The following ANKRD29 variants were observed in gnomAD, a reference collection of about 807,000 sequenced individuals.
The protein encoded by ANKRD29 is ankyrin repeat domain 29, also known as ankyrin repeat domain-containing protein 29.
ANKRD29 carries 32 observed loss-of-function variants against 38.0 expected under a neutral mutation model. That is an observed-to-expected ratio of 0.84 (90% CI 0.64 to 1.13). The LOEUF (loss-of-function observed/expected upper bound fraction) is 1.13. Among genes scored for constraint, ANKRD29 ranks in the 50% most tolerant of loss-of-function variants. The probability of loss-of-function intolerance (pLI) is 0.00; values close to 1 mark genes in which losing one functional copy is unlikely to be tolerated. For missense variants in ANKRD29, 357 were observed against 377.9 expected (o/e 0.94, Z 0.46); for synonymous variants, 135 against 152.4 (o/e 0.89, Z 0.84).
chr18:23,645,759 T>A (rs2060130870), intron 3 of ANKRD29, among the ~76,000 whole-genome samples: 1 of 152,144 alleles, frequency 6.6e-6, no homozygotes, highest in African/African-American at 2.4e-5. Flanking sequence ...TAGAGAGCAG[T>A]CCTTTGAAAA....
In ANKRD29 at chr18:23,601,076, A is replaced by T; in HGVS notation, c.*150T>A. On this transcript the variant is annotated 3_prime_UTR_variant, in exon 10 of 10. Coordinates refer to ENST00000592179, the MANE Select transcript of ANKRD29 (RefSeq NM_173505.4). ...GTTTGGTTCTTGACTTCGTGCACAG[A>T]GCGTAGCTCTTCTTTGTCAGGGACC... The T allele has an allele frequency of 1.5e-6, 1 of 668,898 alleles. No individual in the cohort carries two copies. The highest frequency in any genetic ancestry group is 2.0e-5 in the South Asian group (1 of 50,902). 41.4% of individuals were successfully genotyped at this position (668,898 alleles called of 1,614,324 possible). A position where few individuals can be genotyped will look rare whatever the true frequency, so the allele number is the denominator to read the frequency against.
chr18:23,652,248 G>T (rs1335639220), intron 1 of ANKRD29, among the ~76,000 whole-genome samples: 2 of 152,194 alleles, frequency 1.3e-5, no homozygotes. Flanking sequence ...CGTATCTTCT[G>T]CATACACTAG....
chr18:23,647,521 C>T (rs570624708), intron 2 of ANKRD29: 1 of 151,956 alleles, frequency 6.6e-6, no homozygotes, highest in African/African-American at 2.4e-5. Flanking sequence ...CTTAGTGGTG[C>T]TCTATGGTAT....
In ANKRD29 at chr18:23,619,515, C is replaced by A. The variant is rs374888898; in HGVS notation, c.627+16G>T. ...CGGGAGGCTTCGCTCTTTGGCCGCG[C>A]GACTCGGGCACTCACGTTCCGCGCA... On this transcript the variant is annotated intron_variant, in intron 7 of 9. Coordinates refer to ENST00000592179, the MANE Select transcript of ANKRD29 (RefSeq NM_173505.4). 80 of 1,572,420 alleles carry A rather than the reference C, an allele frequency of 5.1e-5. No homozygotes were observed. Among genetic ancestry groups the A allele is most frequent in the Non-Finnish European group, 6.5e-5 (76 of 1,168,938 alleles).
chr18:23,616,138 A>G (rs1396091810), intron 8 of ANKRD29, among the ~76,000 whole-genome samples: 6 of 142,382 alleles, frequency 4.2e-5, no homozygotes, highest in African/African-American at 1.6e-4. Context: ...GTATGTATGT[A>G]TACTCTACAC....
chr18:23,612,971 T>C (rs2059662624), intron 8 of ANKRD29, among the ~76,000 whole-genome samples: 1 of 152,028 alleles, frequency 6.6e-6, no homozygotes, highest in Admixed American at 6.6e-5. Context: ...GTTTCCTAAT[T>C]AGTTGCTCAT....
intron 9 of ANKRD29, among the ~76,000 whole-genome samples, chr18:23,609,537 C>T (rs892606370): frequency 2.6e-5 from 4 of 152,218 alleles, no homozygotes; most frequent in Non-Finnish European, 5.9e-5. Context: ...TCGGTTCTGT[C>T]TAGGCAGCAG....
rs560970685 is a variant in ANKRD29, at chr18:23,630,398, C to G, written c.430-447G>C. 3.1e-3 allele frequency among the ~76,000 whole-genome samples: 466 copies of G among 152,100 alleles called. 2 individuals carry two copies. The highest frequency in any genetic ancestry group is 0.011 in the African/African-American group (445 of 41,500). On this transcript the variant is annotated intron_variant, in intron 5 of 9. Transcript: ENST00000592179. ...CTGAGATCGCGCCACTTCATTCCAG[C>G]CTGGGCAAAAGAGCAAAACTCCTCC... is the stretch of plus-strand genomic sequence containing the variant.
intron 1 of ANKRD29, among the ~76,000 whole-genome samples, chr18:23,656,550 T>G (rs1189602353): frequency 1.3e-5 from 2 of 152,202 alleles, no homozygotes; most frequent in Non-Finnish European, 2.9e-5. Flanking sequence ...CTGCTAAATT[T>G]GGTATTCATA....
chr18:23,655,862 G>A (rs1421927605), intron 1 of ANKRD29, among the ~76,000 whole-genome samples: 1 of 149,668 alleles, frequency 6.7e-6, no homozygotes, highest in African/African-American at 2.4e-5. Context: ...GGGAGGCCGA[G>A]GCGGGCGGAT....
rs1205097546 is a variant in ANKRD29 at position 23,612,207 on chromosome 18, G to A, written c.724-17C>T. 5 of 1,607,500 alleles carry A rather than the reference G, an allele frequency of 3.1e-6. No individual in the cohort carries two copies. The East Asian group carries it at 8.9e-5, about 29-fold the overall frequency. On this transcript the variant is annotated splice_polypyrimidine_tract_variant and intron_variant, in intron 8 of 9. Transcript: ENST00000592179. ...TGTCCCATTCTAAGAGAAAATGACA[G>A]TGTGTGTCAGGAGTGAGCTCACAGC...
At chr18:23,639,690 C>T (rs1483132257) in intron 3 of ANKRD29, among the ~76,000 whole-genome samples, 3 of 152,074 alleles carry the variant, frequency 2.0e-5, no homozygotes, top group Non-Finnish European at 4.4e-5. Flanking sequence ...CGTGCACCCC[C>T]ACATCTGGCT....
intron 1 of ANKRD29, among the ~76,000 whole-genome samples, chr18:23,653,482 C>T (rs574939836): frequency 3.3e-5 from 5 of 152,330 alleles, no homozygotes; most frequent in East Asian, 3.9e-4. Context: ...AACTCCTGAC[C>T]TCGTGATCCG....
At chr18:23,658,948 C>A (rs1182357080) in intron 1 of ANKRD29, among the ~76,000 whole-genome samples, 2 of 152,052 alleles carry the variant, frequency 1.3e-5, no homozygotes, top group Non-Finnish European at 2.9e-5. Context: ...GTTGTTTAAG[C>A]CTCCCTATCT....
intron 3 of ANKRD29, among the ~76,000 whole-genome samples, chr18:23,640,856 G>A (rs1410717504): frequency 6.6e-6 from 1 of 152,172 alleles, no homozygotes; most frequent in Non-Finnish European, 1.5e-5. Context: ...TTTACCCAAA[G>A]CTGTTAAGAT....
At chr18:23,626,836 A>G (rs59045182) in intron 6 of ANKRD29, among the ~76,000 whole-genome samples, 9,050 of 152,300 alleles carry the variant, frequency 0.059, 944 homozygotes, top group African/African-American at 0.21. Flanking sequence ...ATCCTGTTAC[A>G]GGATACCGTA....
At chr18:23,610,407 G>A (rs1408407678) in intron 9 of ANKRD29, among the ~76,000 whole-genome samples, 1 of 152,242 alleles carries the variant, frequency 6.6e-6, no homozygotes, top group Non-Finnish European at 1.5e-5. Flanking sequence ...GAACCTGGGA[G>A]GTGGAGGTTG....
At chr18:23,658,759 T>C (rs1268849312) in intron 1 of ANKRD29, among the ~76,000 whole-genome samples, 2 of 152,268 alleles carry the variant, frequency 1.3e-5, no homozygotes, top group East Asian at 3.9e-4. Context: ...TGTGTAGGTA[T>C]AGCCCCCATG....
At chr18:23,640,920 T>A (rs906191815) in intron 3 of ANKRD29, among the ~76,000 whole-genome samples, 1 of 152,210 alleles carries the variant, frequency 6.6e-6, no homozygotes, top group African/African-American at 2.4e-5. Flanking sequence ...TATAAGCTAG[T>A]GATCATGCTT....
Sources: gnomAD v4.1 joint callset for allele counts (sites outside exome capture counted in the v4.1 genomes callset) on GRCh38, gnomAD v4.1.1 for gene constraint, MANE v1.5 for transcripts, NCBI Gene and HGNC (gene_info 2026-07-23, HGNC 2026-07-21) for gene names.